The following CNTN3 variants were observed in gnomAD, a reference collection of about 807,000 sequenced individuals.
CNTN3 encodes contactin 3, also known as contactin-3.
In CNTN3, 60 loss-of-function variants were observed where a neutral mutation model predicts 119.1. That is an observed-to-expected ratio of 0.50 (90% CI 0.41 to 0.62). The LOEUF (loss-of-function observed/expected upper bound fraction) is 0.62. CNTN3 is among the 20% of genes least tolerant of loss of function. CNTN3 has a pLI of 0.00. For synonymous variants in CNTN3, 450 were observed against 438.7 expected, an observed-to-expected ratio of 1.03 and a Z score of -0.32; for missense variants, 1,101 against 1,242.4, an observed-to-expected ratio of 0.89 and a Z score of 1.71.
In CNTN3 at chr3:74,308,274, C is replaced by T. The variant is rs374682978; in HGVS notation, c.1669-5467G>A. Among the ~76,000 whole-genome samples the T allele has an allele frequency of 3.0e-4, 46 of 152,252 alleles. 1 individual carries two copies. The highest frequency in any genetic ancestry group is 1.0e-3 in the African/African-American group (43 of 41,548). On this transcript the variant is annotated intron_variant, in intron 13 of 22. Transcript: ENST00000263665. ...CAGTCACTGAAACATGAAAACAGGC[C>T]CTAACATTGTAAACAGTTTTAATTT... is the stretch of plus-strand genomic sequence containing the variant.
chr3:74,405,033 C>T (rs1705290452), intron 5 of CNTN3, among the ~76,000 whole-genome samples: 1 of 151,970 alleles, frequency 6.6e-6, no homozygotes, highest in African/African-American at 2.4e-5. Flanking sequence ...TTTAGGCAAA[C>T]TACTCTATTA....
chr3:74,305,872 G>C (rs1702553233), intron 13 of CNTN3, among the ~76,000 whole-genome samples: 1 of 151,742 alleles, frequency 6.6e-6, no homozygotes, highest in African/African-American at 2.4e-5. Context: ...CCAAAATGCA[G>C]TTATGATTAT....
chr3:74,341,624 T>C (rs950561037), intron 11 of CNTN3, among the ~76,000 whole-genome samples: 1 of 152,126 alleles, frequency 6.6e-6, no homozygotes, highest in African/African-American at 2.4e-5. Context: ...ATGGTTAGTT[T>C]GGGATAAGTA....
chr3:74,569,656 TTGC>T (rs1448525086), intron 1 of CNTN3, among the ~76,000 whole-genome samples: 9 of 152,208 alleles, frequency 5.9e-5, no homozygotes, highest in African/African-American at 2.2e-4. Context: ...TGATTTTCTA[TTGC>T]TGCATAACAA....
chr3:74,398,988 C>T lies in CNTN3; in HGVS notation c.454+25857G>A, dbSNP rs1221474945. Among the ~76,000 whole-genome samples the T allele has an allele frequency of 2.1e-4, 32 of 152,084 alleles. 1 individual carries two copies. Among genetic ancestry groups the T allele is most frequent in the Admixed American group, 2.1e-3 (32 of 15,258 alleles). On this transcript the variant is annotated intron_variant, in intron 5 of 22. Coordinates refer to ENST00000263665, the MANE Select transcript of CNTN3 (RefSeq NM_020872.3). ...GGATCAAGATAGTTAGCATATCTAC[C>T]AACTCAAACATTTATCATTTCTTTC...
intron 13 of CNTN3, among the ~76,000 whole-genome samples, chr3:74,330,375 C>A (rs1244303190): frequency 1.3e-5 from 2 of 151,360 alleles, no homozygotes; most frequent in African/African-American, 2.4e-5. Context: ...AAAAAAGTTT[C>A]TATTGACTAG....
intron 4 of CNTN3, among the ~76,000 whole-genome samples, chr3:74,432,394 A>G (rs929414564): frequency 8.5e-5 from 13 of 152,114 alleles, no homozygotes; most frequent in East Asian, 7.7e-4. Context: ...GCTAAAAAAA[A>G]AAAAAAAATC....
chr3:74,502,701 G>C (rs555610738), intron 2 of CNTN3, among the ~76,000 whole-genome samples: 1 of 152,072 alleles, frequency 6.6e-6, no homozygotes, highest in South Asian at 2.1e-4. Flanking sequence ...CTTGTGTTCT[G>C]GTTTCTTTTT....
chr3:74,586,910 C>G (rs1383722389), intron 1 of CNTN3, among the ~76,000 whole-genome samples: 1 of 152,020 alleles, frequency 6.6e-6, no homozygotes, highest in Non-Finnish European at 1.5e-5. Context: ...ACCGAGGTAT[C>G]TGTAGTGTTT....
At chr3:74,402,449 A>G (rs1157017589) in intron 5 of CNTN3, among the ~76,000 whole-genome samples, 3 of 152,142 alleles carry the variant, frequency 2.0e-5, no homozygotes, top group African/African-American at 7.2e-5. Flanking sequence ...TTCTTCTACT[A>G]TATCACAAAC....
intron 4 of CNTN3, among the ~76,000 whole-genome samples, chr3:74,458,313 G>A (rs1435621557): frequency 6.6e-6 from 1 of 151,944 alleles, no homozygotes; most frequent in Non-Finnish European, 1.5e-5. Flanking sequence ...TTCAGGAGTT[G>A]GCAAACTACA....
chr3:74,538,839 C>T (rs1159310395), intron 1 of CNTN3, among the ~76,000 whole-genome samples: 2 of 152,122 alleles, frequency 1.3e-5, no homozygotes, highest in East Asian at 3.9e-4. Flanking sequence ...GTAGCCACAA[C>T]CCAACCCTTG....
intron 2 of CNTN3, among the ~76,000 whole-genome samples, chr3:74,506,750 A>ACAAC (rs113577573): frequency 6.8e-6 from 1 of 147,242 alleles, no homozygotes; most frequent in South Asian, 2.1e-4. Context: ...AAAAAAAAAA[A>ACAAC]AACAACACTT....
chr3:74,354,468 C>T (rs1252269427), intron 11 of CNTN3, among the ~76,000 whole-genome samples: 1 of 151,962 alleles, frequency 6.6e-6, no homozygotes, highest in Non-Finnish European at 1.5e-5. Flanking sequence ...TCTCAAGGGT[C>T]TTTTTCAATG....
chr3:74,394,373 T>G (rs1395363020), intron 5 of CNTN3, among the ~76,000 whole-genome samples: 1 of 152,196 alleles, frequency 6.6e-6, no homozygotes, highest in East Asian at 1.9e-4. Flanking sequence ...CAGTGTATTA[T>G]AACGCTATTA....
chr3:74,333,739 C>G (rs1702841028), intron 13 of CNTN3, among the ~76,000 whole-genome samples: 2 of 152,116 alleles, frequency 1.3e-5, no homozygotes, highest in South Asian at 4.1e-4. Context: ...AAAACGCCAT[C>G]CTTTAAGTTG....
At chr3:74,386,234 C>T (rs1704741592) in intron 5 of CNTN3, among the ~76,000 whole-genome samples, 1 of 152,178 alleles carries the variant, frequency 6.6e-6, no homozygotes, top group African/African-American at 2.4e-5. Flanking sequence ...TTGGGGAATG[C>T]AGGTGTTTAA....
intron 1 of CNTN3, among the ~76,000 whole-genome samples, chr3:74,543,838 C>G (rs915484564): frequency 6.6e-6 from 1 of 151,736 alleles, no homozygotes; most frequent in Non-Finnish European, 1.5e-5. Context: ...CTGAGACAGT[C>G]GAAAAAAAGA....
intron 4 of CNTN3, among the ~76,000 whole-genome samples, chr3:74,450,745 G>A (rs1054562868): frequency 3.5e-5 from 5 of 142,328 alleles, no homozygotes; most frequent in African/African-American, 1.1e-4. Flanking sequence ...TCCCACCTAT[G>A]AGTGAGAATA....
Sources: gnomAD v4.1 joint callset for allele counts (sites outside exome capture counted in the v4.1 genomes callset) on GRCh38, gnomAD v4.1.1 for gene constraint, MANE v1.5 for transcripts, NCBI Gene and HGNC (gene_info 2026-07-23, HGNC 2026-07-21) for gene names.